The following BAG4 variants were observed in gnomAD, a reference collection of about 807,000 sequenced individuals.
The protein encoded by BAG4 is BAG family molecular chaperone regulator 4.
BAG4 carries 28 observed loss-of-function variants against 52.1 expected under a neutral mutation model. That is an observed-to-expected ratio of 0.54 (90% CI 0.40 to 0.74). The LOEUF (loss-of-function observed/expected upper bound fraction) is 0.74, where lower values mean the gene tolerates loss of function less well. BAG4 is among the 30% of genes least tolerant of loss of function. The pLI, the probability that BAG4 is intolerant of heterozygous loss-of-function variation, is 0.00. For missense variants in BAG4, 525 were observed against 572.0 expected (o/e 0.92, Z 0.84); for synonymous variants, 208 against 217.0 (o/e 0.96, Z 0.37).
intron 2 of BAG4, chr8:38,201,851 T>C (rs1803669035): frequency 1.7e-4 from 1 of 5,852 alleles, no homozygotes; most frequent in Non-Finnish European, 6.8e-4. Flanking sequence ...TATATATATA[T>C]ATATATATAT....
At chr8:38,191,431 TA>T (rs1258095565) in intron 1 of BAG4, among the ~76,000 whole-genome samples, 13 of 152,314 alleles carry the variant, frequency 8.5e-5, no homozygotes, top group African/African-American at 3.1e-4. Context: ...TTCAAAGTTT[TA>T]GAAAAAATGT....
intron 1 of BAG4, among the ~76,000 whole-genome samples, chr8:38,185,909 A>G (rs1312321085): frequency 6.6e-6 from 1 of 152,174 alleles, no homozygotes; most frequent in African/African-American, 2.4e-5. Context: ...CAGTAAGAAC[A>G]TTGGGTCTGT....
chr8:38,185,865 G>T (rs879063456), intron 1 of BAG4, among the ~76,000 whole-genome samples: 1 of 152,046 alleles, frequency 6.6e-6, no homozygotes, highest in African/African-American at 2.4e-5. Context: ...GCCTGGCCAT[G>T]AAGAAACACT....
At chr8:38,208,333 G>A (rs1308282827) in intron 3 of BAG4, among the ~76,000 whole-genome samples, 7 of 127,064 alleles carry the variant, frequency 5.5e-5, no homozygotes, top group Non-Finnish European at 6.5e-5. Flanking sequence ...TTTTTGAGAC[G>A]GAGTCTCGCT....
At chr8:38,204,580 C>T (rs1489780964) in intron 2 of BAG4, among the ~76,000 whole-genome samples, 1 of 150,026 alleles carries the variant, frequency 6.7e-6, no homozygotes, top group Non-Finnish European at 1.5e-5. Context: ...TCACTTCAGC[C>T]TAAAAGTTTG....
rs762682685 is a variant in BAG4 at position 38,198,689 on chromosome 8, G to A, written c.378+5894G>A. Among the ~76,000 whole-genome samples the A allele has an allele frequency of 2.6e-5, 4 of 151,794 alleles. No homozygotes were observed. In the East Asian group the frequency reaches 7.9e-4, roughly 30 times the overall value. The stretch of plus-strand genomic sequence containing the variant: ...ATTTTTAGTGGAGATGGGTTTCACC[G>A]TGTTAGCCAGGATGGTCTCGATCTC... On this transcript the variant is annotated intron_variant, in intron 2 of 4. Coordinates refer to ENST00000287322, the MANE Select transcript of BAG4 (RefSeq NM_004874.4).
rs35284937 is a variant in BAG4, at chr8:38,205,202, A to ATTTT, written c.379-2284_379-2281dup. Reference sequence around the variant, plus strand: ...GTGCCATACCACGCCCAGCTAATTAATTTTTTTTTTTTTTTTTTTTTTTTT... The same window carrying ATTTT: ...GTGCCATACCACGCCCAGCTAATTAATTTTTTTTTTTTTTTTTTTTTTTTTTTTT... On this transcript the variant is annotated intron_variant, in intron 2 of 4. Transcript: ENST00000287322. Among the ~76,000 whole-genome samples the ATTTT allele has an allele frequency of 2.4e-3, 194 of 79,334 alleles. 6 individuals are homozygous for ATTTT. Among genetic ancestry groups the ATTTT allele is most frequent in the South Asian group, 3.4e-3 (6 of 1,744 alleles). 52.0% of individuals were successfully genotyped at this position (79,334 alleles called of 152,430 possible). A position where few individuals can be genotyped will look rare whatever the true frequency, so the allele number is the denominator to read the frequency against.
At chr8:38,188,630 TATATAC>T (rs1563280616) in intron 1 of BAG4, among the ~76,000 whole-genome samples, 8 of 147,320 alleles carry the variant, frequency 5.4e-5, no homozygotes, top group South Asian at 2.1e-4. Flanking sequence ...TGTACACATA[TATATAC>T]ATATATACAT....
At chr8:38,182,703 C>G (rs992362236) in intron 1 of BAG4, among the ~76,000 whole-genome samples, 1 of 151,918 alleles carries the variant, frequency 6.6e-6, no homozygotes, top group Non-Finnish European at 1.5e-5. Context: ...CCTGTGAAAC[C>G]AAATGCTATT....
At position 38,213,056 on chromosome 8, in the gene BAG4, A is replaced by C. The variant is rs1803889065; in HGVS notation, c.*2563A>C. ...AAATCATGTTAAAATTATTCCAAATACCAATATCAAAGAAAACTAAGTTGG... is the reference window on the plus strand; with the variant it reads ...AAATCATGTTAAAATTATTCCAAATCCCAATATCAAAGAAAACTAAGTTGG... On this transcript the variant is annotated 3_prime_UTR_variant, in exon 5 of 5. Transcript: ENST00000287322. 1 of 152,238 alleles carries C rather than the reference A, an allele frequency of 6.6e-6. No individual in the cohort carries two copies. The highest frequency in any genetic ancestry group is 1.5e-5 in the Non-Finnish European group (1 of 68,040). 9.4% of individuals were successfully genotyped at this position (152,238 alleles called of 1,614,324 possible). A position where few individuals can be genotyped will look rare whatever the true frequency, so the allele number is the denominator to read the frequency against.
chr8:38,212,749 A>G lies in BAG4; in HGVS notation c.*2256A>G, dbSNP rs1238132441. The stretch of plus-strand genomic sequence containing the variant: ...TGCTAGGATTCGCTACTGTAAACTT[A>G]CTGTGTTTTCCTTGTAATTATTGAA... On this transcript the variant is annotated 3_prime_UTR_variant, in exon 5 of 5. Transcript: ENST00000287322. The G allele has an allele frequency of 6.6e-6, 1 of 152,218 alleles. No homozygotes were observed. The highest frequency in any genetic ancestry group is 1.5e-5 in the Non-Finnish European group (1 of 68,036). 9.4% of individuals were successfully genotyped at this position (152,218 alleles called of 1,614,324 possible). A position where few individuals can be genotyped will look rare whatever the true frequency, so the allele number is the denominator to read the frequency against.
Position 38,177,137 on chromosome 8 carries a change from C to T in BAG4, c.268C>T (p.Gln90Ter), listed in dbSNP as rs1192398635. 9 of 1,612,746 alleles carry T rather than the reference C, an allele frequency of 5.6e-6. No individual in the cohort carries two copies. Among genetic ancestry groups the T allele is most frequent in the African/African-American group, 1.3e-5 (1 of 74,912 alleles). The change falls in exon 1 of 5, where the codon CAG becomes TAG. Residue 90 changes from glutamine (Q) to a stop codon, truncating the protein, a stop_gained and splice_region_variant. Transcript: ENST00000287322. LOFTEE classifies it high-confidence loss of function. The stretch of plus-strand genomic sequence containing the variant: ...GCCTGGTCGAGCCGGAGGAAGCCAC[C>T]AGGTAAGCTTTGCACCCTCTGTCCT... ...PEPGRAGGSH[Q>*]EQPPYPSYNS... is the part of the protein sequence containing the mutation.
At chr8:38,187,954 A>T (rs1281694206) in intron 1 of BAG4, among the ~76,000 whole-genome samples, 1 of 147,276 alleles carries the variant, frequency 6.8e-6, no homozygotes, top group Admixed American at 6.9e-5. Flanking sequence ...GGAGAATGGC[A>T]TGAACCCGGG....
chr8:38,197,652 C>A (rs1475493217), intron 2 of BAG4, among the ~76,000 whole-genome samples: 9 of 152,234 alleles, frequency 5.9e-5, no homozygotes, highest in African/African-American at 2.2e-4. Flanking sequence ...TATAACAATT[C>A]TTTCTTCAAT....
intron 2 of BAG4, among the ~76,000 whole-genome samples, chr8:38,199,265 A>G (rs1391776636): frequency 6.6e-6 from 1 of 152,204 alleles, no homozygotes; most frequent in South Asian, 2.1e-4. Flanking sequence ...TTATAATCCT[A>G]TGGGACCACT....
At chr8:38,185,126 C>T (rs1323900814) in intron 1 of BAG4, among the ~76,000 whole-genome samples, 1 of 151,670 alleles carries the variant, frequency 6.6e-6, no homozygotes, top group Non-Finnish European at 1.5e-5. Context: ...GTGTTTGGAC[C>T]TGAGGGGCAA....
chr8:38,189,793 C>CTT (rs1803436694), intron 1 of BAG4, among the ~76,000 whole-genome samples: 2 of 147,030 alleles, frequency 1.4e-5, no homozygotes, highest in African/African-American at 5.1e-5. Flanking sequence ...GTTTGTTTTG[C>CTT]ATAAAAGGTT....
chr8:38,193,468 G>C (rs1274486829), intron 2 of BAG4, among the ~76,000 whole-genome samples: 1 of 152,156 alleles, frequency 6.6e-6, no homozygotes, highest in Non-Finnish European at 1.5e-5. Flanking sequence ...ATGCAGATTT[G>C]TCAATTTCTG....
At chr8:38,177,216 A>G in intron 1 of BAG4, 77 bp downstream of exon 1, 1 of 1,566,120 alleles carries the variant, frequency 6.4e-7, no homozygotes, top group Non-Finnish European at 8.6e-7. Flanking sequence ...CGGGTTTCAT[A>G]CTTGTTTTCC....
Sources: allele counts gnomAD v4.1 joint callset (sites outside exome capture counted in the v4.1 genomes callset), GRCh38; gene constraint gnomAD v4.1.1; transcripts MANE v1.5; gene names NCBI Gene and HGNC (gene_info 2026-07-23, HGNC 2026-07-21).